RP1: variants seen among roughly 807,000 people sequenced by gnomAD.
RP1 encodes the protein RP1 axonemal microtubule associated.
Under a neutral mutation model 14.8 loss-of-function variants are expected in RP1, and 16 were observed. The observed-to-expected ratio is 1.08, with a 90% confidence interval of 0.73 to 1.65. The LOEUF (loss-of-function observed/expected upper bound fraction) is 1.65. RP1 is among the 40% of genes most tolerant of loss of function. RP1 has a pLI of 0.00. For missense variants in RP1, 2,631 were observed against 2,535.0 expected, an observed-to-expected ratio of 1.04 and a Z score of -0.81; for synonymous variants, 876 against 883.6, an observed-to-expected ratio of 0.99 and a Z score of 0.15.
chr8:54,567,513 A>G (rs1804434825), intron 1 of RP1, among the ~76,000 whole-genome samples: 1 of 152,156 alleles, frequency 6.6e-6, no homozygotes, highest in Non-Finnish European at 1.5e-5. Context: ...ATTTTTTAGC[A>G]GGTGGGATGG....
At chr8:54,584,761 T>C (rs1804879164) in intron 1 of RP1, among the ~76,000 whole-genome samples, 1 of 152,226 alleles carries the variant, frequency 6.6e-6, no homozygotes, top group South Asian at 2.1e-4. Context: ...GTAATGGCCT[T>C]CTTTGTCTCT....
chr8:54,851,595 G>T (rs1417419781), intron 25 of RP1, among the ~76,000 whole-genome samples: 6 of 152,084 alleles, frequency 3.9e-5, no homozygotes, highest in African/African-American at 1.4e-4. Flanking sequence ...TATTTCTTTG[G>T]TTGTCCTAAA....
chr8:54,805,121 T>A (rs1810816354), intron 24 of RP1, among the ~76,000 whole-genome samples: 1 of 152,164 alleles, frequency 6.6e-6, no homozygotes, highest in African/African-American at 2.4e-5. Flanking sequence ...TTGAGAGAAA[T>A]CTGAACAAAA....
intron 26 of RP1, among the ~76,000 whole-genome samples, chr8:54,855,598 C>T (rs1052899544): frequency 6.6e-6 from 1 of 152,080 alleles, no homozygotes; most frequent in Non-Finnish European, 1.5e-5. Flanking sequence ...AACATACTGG[C>T]AAAAGACTTG....
chr8:54,837,583 T>C, exon 25 of RP1: 3 of 1,232,032 alleles, frequency 2.4e-6, no homozygotes, highest in Non-Finnish European at 3.0e-6. Flanking sequence ...TGTTTACCTG[T>C]TGATTCCTGG....
At chr8:54,701,775 T>TA (rs1369451734) in intron 14 of RP1, 23 of 940,994 alleles carry the variant, frequency 2.4e-5, no homozygotes, top group Non-Finnish European at 3.4e-5. Flanking sequence ...CACTTCCCAC[T>TA]AGGTGGCATT....
intron 28 of RP1, among the ~76,000 whole-genome samples, chr8:54,867,406 G>C (rs1812482673): frequency 6.6e-6 from 1 of 152,024 alleles, no homozygotes; most frequent in Non-Finnish European, 1.5e-5. Flanking sequence ...TTTTATTTTT[G>C]AAAGAAATCT....
At chr8:54,860,983 C>G (rs1027248608) in intron 27 of RP1, among the ~76,000 whole-genome samples, 7 of 152,132 alleles carry the variant, frequency 4.6e-5, no homozygotes, top group African/African-American at 1.7e-4. Context: ...TGGGATTAGG[C>G]TATTTGAAAC....
At chr8:54,686,534 G>C (rs1313322693) in intron 12 of RP1, among the ~76,000 whole-genome samples, 2 of 152,064 alleles carry the variant, frequency 1.3e-5, no homozygotes, top group Non-Finnish European at 1.5e-5. Flanking sequence ...ATGCCTAAAA[G>C]CAGACACACA....
At chr8:54,674,464 T>C (rs1391673518) in intron 8 of RP1, among the ~76,000 whole-genome samples, 1 of 85,184 alleles carries the variant, frequency 1.2e-5, no homozygotes, top group African/African-American at 4.5e-5. Flanking sequence ...AATTATAAGA[T>C]AAACAAAATC....
At chr8:54,700,894 G>A (rs1807998638) in intron 13 of RP1, among the ~76,000 whole-genome samples, 1 of 152,140 alleles carries the variant, frequency 6.6e-6, no homozygotes, top group Admixed American at 6.6e-5. Context: ...CCGCCTCCCT[G>A]CCATACTTGG....
intron 24 of RP1, among the ~76,000 whole-genome samples, chr8:54,801,785 C>G (rs1376779052): frequency 6.6e-6 from 1 of 152,180 alleles, no homozygotes; most frequent in East Asian, 1.9e-4. Flanking sequence ...CTGTAGGCAT[C>G]CACTCCAGGT....
At chr8:54,644,275 G>C (rs988496466) in intron 3 of RP1, among the ~76,000 whole-genome samples, 1 of 152,194 alleles carries the variant, frequency 6.6e-6, no homozygotes, top group Admixed American at 6.5e-5. Flanking sequence ...AGGCCTGAGA[G>C]TAATCCTCAG....
At chr8:54,686,720 ACACTGAACCCTTGATGGCTACTTTTATGT>A (rs1325849182) in intron 12 of RP1, among the ~76,000 whole-genome samples, 1 of 152,166 alleles carries the variant, frequency 6.6e-6, no homozygotes, top group East Asian at 1.9e-4. Context: ...TCAGTTTTTA[ACACTGAACCCTTGATGGCTACTTTTATGT>A]CAGGGCCAGT....
intron 26 of RP1, among the ~76,000 whole-genome samples, chr8:54,855,247 G>A (rs111682185): frequency 1.7e-4 from 26 of 152,210 alleles, no homozygotes; most frequent in African/African-American, 3.9e-4. Flanking sequence ...TATTTCCTTC[G>A]CGAGACTGAG....
chr8:54,786,214 T>C (rs150768949), intron 24 of RP1, among the ~76,000 whole-genome samples: 1 of 152,226 alleles, frequency 6.6e-6, no homozygotes, highest in Admixed American at 6.5e-5. Context: ...TTTTTGTTTA[T>C]CTAGGAAAGT....
chr8:54,640,553 A>G (rs1428318036), intron 3 of RP1, among the ~76,000 whole-genome samples: 1 of 152,218 alleles, frequency 6.6e-6, no homozygotes, highest in African/African-American at 2.4e-5. Context: ...TATCTATGCC[A>G]GAAAAGTAGC....
chr8:54,708,274 G>A (rs1362369923), intron 15 of RP1, among the ~76,000 whole-genome samples: 1 of 152,094 alleles, frequency 6.6e-6, no homozygotes, highest in Non-Finnish European at 1.5e-5. Context: ...TCTTCCCCGG[G>A]TAGTAACCAA....
At position 54,628,039 on chromosome 8, in the gene RP1, C is replaced by T. The variant is rs199961126; in HGVS notation, c.4157C>T (p.Thr1386Ile). ...CCTGAATATAAAAATGGATTTAATA[C>T]ATTGGTGTCACATCAAAATGTCAGT... The part of the protein sequence containing the change: ...TDPEYKNGFN[T>I]LVSHQNVSNL... The change falls in exon 4 of 4, where the codon ACA becomes ATA. Residue 1386 changes from threonine (T) to isoleucine (I), a missense_variant. Coordinates refer to ENST00000220676, the MANE Select transcript of RP1 (RefSeq NM_006269.2). The T allele has an allele frequency of 5.0e-6, 8 of 1,613,984 alleles. No individual in the cohort carries two copies. The Admixed American group carries it at 6.7e-5, about 13-fold the overall frequency.
Sources: gnomAD v4.1 joint callset for allele counts (sites outside exome capture counted in the v4.1 genomes callset) on GRCh38, gnomAD v4.1.1 for gene constraint, MANE v1.5 for transcripts, NCBI Gene and HGNC (gene_info 2026-07-23, HGNC 2026-07-21) for gene names.